MYDGF: variants seen among roughly 807,000 people sequenced by gnomAD.
MYDGF encodes the protein myeloid derived growth factor, also known as myeloid-derived growth factor.
A neutral mutation model predicts 24.2 loss-of-function variants in MYDGF; 29 were observed. The ratio of observed to expected loss-of-function variants is 1.20; its 90% CI spans 0.89 to 1.63. MYDGF has a LOEUF of 1.63. Among genes scored for constraint, MYDGF ranks in the 40% most tolerant of loss-of-function variants. The pLI, the probability that MYDGF is intolerant of heterozygous loss-of-function variation, is 0.00. For synonymous variants in MYDGF, 105 were observed against 102.5 expected, an observed-to-expected ratio of 1.02 and a Z score of -0.15; for missense variants, 245 against 234.8, an observed-to-expected ratio of 1.04 and a Z score of -0.29.
At chr19:4,668,857 T>TG (rs974278317) in intron 1 of MYDGF, among the ~76,000 whole-genome samples, 3 of 151,520 alleles carry the variant, frequency 2.0e-5, no homozygotes, top group African/African-American at 7.3e-5. Flanking sequence ...TAATTTTTTT[T>TG]TTTTTTTTTG....
At chr19:4,669,420 C>T (rs774763436) in intron 1 of MYDGF, among the ~76,000 whole-genome samples, 67 of 152,054 alleles carry the variant, frequency 4.4e-4, no homozygotes, top group Non-Finnish European at 7.5e-4. Flanking sequence ...CACTGCACTC[C>T]AGCCTGGGCG....
intron 3 of MYDGF, among the ~76,000 whole-genome samples, chr19:4,662,345 C>T (rs1210848471): frequency 6.6e-6 from 1 of 152,178 alleles, no homozygotes; most frequent in African/African-American, 2.4e-5. Flanking sequence ...TCAAGAAATA[C>T]CCACTGTTTG....
chr19:4,659,293 G>A (rs1568285656), intron 5 of MYDGF, among the ~76,000 whole-genome samples: 1 of 152,016 alleles, frequency 6.6e-6, no homozygotes, highest in Non-Finnish European at 1.5e-5. Flanking sequence ...CTAGAGTGCA[G>A]TGGCATGATC....
intron 2 of MYDGF, 109 bp downstream of exon 2, chr19:4,668,486 G>C: frequency 2.4e-6 from 2 of 846,494 alleles, no homozygotes; most frequent in Non-Finnish European, 3.9e-6. Context: ...GTCATTCAAT[G>C]AGTGTAAGGT....
intron 5 of MYDGF, among the ~76,000 whole-genome samples, chr19:4,659,047 G>C (rs371262954): frequency 2.0e-5 from 3 of 150,836 alleles, no homozygotes; most frequent in East Asian, 3.9e-4. Context: ...CCAAAGTGCT[G>C]GGATTACAGG....
At chr19:4,663,495 ACCTGTGCAC>A (rs2088491929) in intron 3 of MYDGF, among the ~76,000 whole-genome samples, 1 of 80,494 alleles carries the variant, frequency 1.2e-5, no homozygotes, top group Non-Finnish European at 2.3e-5. Context: ...ACAGCCTCCA[ACCTGTGCAC>A]TCTCCACCCA....
chr19:4,659,363 A>G (rs1286687044), intron 5 of MYDGF, among the ~76,000 whole-genome samples: 1 of 152,012 alleles, frequency 6.6e-6, no homozygotes, highest in Non-Finnish European at 1.5e-5. Flanking sequence ...AGCTGGGATT[A>G]CAGGTGCGCA....
In MYDGF at chr19:4,662,138, C is replaced by A. The variant is rs143871861; in HGVS notation, c.288-1388G>T. On this transcript the variant is annotated intron_variant, in intron 3 of 5. Coordinates refer to ENST00000262947, the MANE Select transcript of MYDGF (RefSeq NM_019107.4). ...GTGGGTGAGAATCTCCCCAGAAACA[C>A]CTGCTGTTTGTAAAGCGCCCCGCAG... is the stretch of plus-strand genomic sequence containing the variant. 7.6e-4 allele frequency among the ~76,000 whole-genome samples: 116 copies of A among 152,280 alleles called. No homozygotes were observed. In the East Asian group the frequency reaches 0.013, roughly 17 times the overall value.
intron 2 of MYDGF, among the ~76,000 whole-genome samples, chr19:4,665,960 C>A (rs1376006895): frequency 2.6e-5 from 4 of 151,600 alleles, no homozygotes; most frequent in African/African-American, 7.3e-5. Flanking sequence ...GCTAACACAC[C>A]ATATGGGTGT....
Position 4,659,978 on chromosome 19 carries a change from C to T in MYDGF, c.395G>A (p.Ser132Asn). The change falls in exon 5 of 6, where the codon AGT (serine) becomes AAT (asparagine). Residue 132 changes from serine to asparagine, a missense_variant. Physicochemically the swap from Ser to Asn is conservative, Grantham distance 46. Transcript: ENST00000262947. ...AYSKAAFERESDVPLKTEEFE... is the reference protein window; with the variant it reads ...AYSKAAFERENDVPLKTEEFE... ...TTCCTCAGTTTTCAGAGGGACATCA[C>T]TTTCCCTTTCAAATGCGGCTTTAGA... is the stretch of plus-strand genomic sequence containing the variant. 6.2e-7 allele frequency: 1 copy of T among 1,614,088 alleles called. No individual in the cohort carries two copies. Among genetic ancestry groups the T allele is most frequent in the Non-Finnish European group, 8.5e-7 (1 of 1,180,024 alleles).
chr19:4,666,823 T>C (rs928651044), intron 2 of MYDGF, among the ~76,000 whole-genome samples: 2 of 152,132 alleles, frequency 1.3e-5, no homozygotes, highest in Admixed American at 6.5e-5. Flanking sequence ...CCCAGCACTT[T>C]GGGAGGCCGA....
chr19:4,660,852 G>T, intron 3 of MYDGF, 102 bp from the exon 4 acceptor site: 1 of 871,942 alleles, frequency 1.1e-6, no homozygotes, highest in Non-Finnish European at 1.7e-6. Flanking sequence ...GGGGTCAGCA[G>T]GTCTCGTGCC....
intron 2 of MYDGF, among the ~76,000 whole-genome samples, chr19:4,666,265 C>T (rs1568288124): frequency 6.6e-6 from 1 of 151,810 alleles, no homozygotes; most frequent in African/African-American, 2.4e-5. Context: ...GATCTCAAAA[C>T]ATACAGTTTT....
At chr19:4,662,423 C>G (rs1406889121) in intron 3 of MYDGF, among the ~76,000 whole-genome samples, 2 of 152,222 alleles carry the variant, frequency 1.3e-5, no homozygotes, top group East Asian at 3.8e-4. Context: ...CGACCCCCTC[C>G]CCACCGGGGG....
rs1009663519 is a variant in MYDGF at position 4,657,666 on chromosome 19, C to A, written c.*339G>T. ...CAGTTCTGCAGGCTCATGAAGGATG[C>A]TCGGCTGGAGGTCGGGGGGAGCATG... is the stretch of plus-strand genomic sequence containing the variant. On this transcript the variant is annotated 3_prime_UTR_variant, in exon 6 of 6. Transcript: ENST00000262947. 2 of 210,752 alleles carry A rather than the reference C, an allele frequency of 9.5e-6. No homozygotes were observed. The highest frequency in any genetic ancestry group is 9.4e-6 in the Non-Finnish European group (1 of 106,040). The allele number at this position is 210,752 out of a possible 1,614,324, so 13.1% of individuals were successfully genotyped here. A position where few individuals can be genotyped will look rare whatever the true frequency, so the allele number is the denominator to read the frequency against.
chr19:4,664,846 C>A, intron 3 of MYDGF, 30 bp downstream of exon 3: 2 of 1,609,654 alleles, frequency 1.2e-6, no homozygotes, highest in Non-Finnish European at 1.7e-6. Flanking sequence ...CAACGGCAGC[C>A]GGAAATGCCA....
intron 3 of MYDGF, among the ~76,000 whole-genome samples, chr19:4,662,564 G>C (rs189174482): frequency 6.6e-6 from 1 of 152,266 alleles, no homozygotes; most frequent in Admixed American, 6.5e-5. Flanking sequence ...AGAGGATGGC[G>C]GCAGGGGCAG....
At chr19:4,666,066 C>G (rs1268530217) in intron 2 of MYDGF, among the ~76,000 whole-genome samples, 1 of 151,530 alleles carries the variant, frequency 6.6e-6, no homozygotes, top group Admixed American at 6.6e-5. Context: ...GCCTGTAATC[C>G]CAGCACTTTG....
intron 3 of MYDGF, among the ~76,000 whole-genome samples, chr19:4,661,833 T>G (rs1159396167): frequency 2.0e-5 from 3 of 151,994 alleles, no homozygotes; most frequent in African/African-American, 4.8e-5. Flanking sequence ...GGGGAGCTTT[T>G]GTGGGGGTTG....
Sources: gnomAD v4.1 joint callset for allele counts (sites outside exome capture counted in the v4.1 genomes callset) on GRCh38, gnomAD v4.1.1 for gene constraint, MANE v1.5 for transcripts, NCBI Gene and HGNC (gene_info 2026-07-23, HGNC 2026-07-21) for gene names.